Variants in SLC39A12 observed in about 807,000 individuals in gnomAD.
The protein encoded by SLC39A12 is zinc transporter ZIP12.
Under a neutral mutation model 71.1 loss-of-function variants are expected in SLC39A12, and 63 were observed. The ratio of observed to expected loss-of-function variants is 0.89; its 90% CI spans 0.72 to 1.09. The LOEUF (loss-of-function observed/expected upper bound fraction) is 1.09. SLC39A12 is among the 50% of genes least tolerant of loss of function. The pLI is 0.00. For synonymous variants in SLC39A12, 351 were observed against 301.3 expected (o/e 1.16, Z -1.71); for missense variants, 892 against 812.6 (o/e 1.10, Z -1.19).
At chr10:17,983,040 T>TAA (rs572926333) in intron 6 of SLC39A12, among the ~76,000 whole-genome samples, 5 of 145,948 alleles carry the variant, frequency 3.4e-5, no homozygotes, top group African/African-American at 1.3e-4. Flanking sequence ...AATTAAAAAT[T>TAA]AAAAAAAAAA....
chr10:17,961,560 T>G (rs1554848364), intron 2 of SLC39A12, 21 bp from the exon 3 acceptor site: 1 of 1,588,912 alleles, frequency 6.3e-7, no homozygotes, highest in East Asian at 2.2e-5. Flanking sequence ...CTTTTGTTGT[T>G]GTTATTGTTT....
intron 4 of SLC39A12, among the ~76,000 whole-genome samples, chr10:17,976,520 C>A (rs545425169): frequency 6.6e-6 from 1 of 152,150 alleles, no homozygotes; most frequent in Non-Finnish European, 1.5e-5. Flanking sequence ...TGGATTCAAG[C>A]GATTCTCCCA....
At chr10:17,994,107 A>G (rs891949295) in intron 9 of SLC39A12, among the ~76,000 whole-genome samples, 1 of 152,152 alleles carries the variant, frequency 6.6e-6, no homozygotes, top group African/African-American at 2.4e-5. Context: ...CCTTTATTGT[A>G]TTTATTGCTT....
intron 4 of SLC39A12, among the ~76,000 whole-genome samples, chr10:17,974,144 T>G (rs1835045355): frequency 1.3e-5 from 2 of 152,160 alleles, no homozygotes; most frequent in African/African-American, 2.4e-5. Flanking sequence ...TAAATTTATC[T>G]GAGTTCTGAA....
At chr10:18,026,887 C>A (rs1836692695) in intron 12 of SLC39A12, among the ~76,000 whole-genome samples, 1 of 151,986 alleles carries the variant, frequency 6.6e-6, no homozygotes, top group South Asian at 2.1e-4. Flanking sequence ...TTATAATTTC[C>A]ATTTTTCTGC....
At chr10:18,037,461 A>C (rs1035470117) in intron 12 of SLC39A12, among the ~76,000 whole-genome samples, 1 of 152,160 alleles carries the variant, frequency 6.6e-6, no homozygotes, top group Non-Finnish European at 1.5e-5. Flanking sequence ...TACAGTTAGG[A>C]GGTGACCTGG....
intron 12 of SLC39A12, among the ~76,000 whole-genome samples, chr10:18,038,865 A>T (rs1415435874): frequency 6.6e-6 from 1 of 152,174 alleles, no homozygotes; most frequent in Non-Finnish European, 1.5e-5. Flanking sequence ...AGTGTGAGGC[A>T]AAGATGGAAA....
intron 12 of SLC39A12, among the ~76,000 whole-genome samples, chr10:18,020,368 T>C (rs1240394971): frequency 1.3e-5 from 2 of 152,120 alleles, no homozygotes; most frequent in Non-Finnish European, 1.5e-5. Flanking sequence ...CACTCCACCA[T>C]TGTCAGGCAT....
chr10:18,014,604 A>G (rs1367059461), intron 12 of SLC39A12, among the ~76,000 whole-genome samples: 1 of 152,178 alleles, frequency 6.6e-6, no homozygotes, highest in Non-Finnish European at 1.5e-5. Flanking sequence ...TTCAATTTTA[A>G]GTTGTATGAA....
At chr10:17,970,051 TC>T (rs1330091281) in intron 4 of SLC39A12, among the ~76,000 whole-genome samples, 1 of 152,226 alleles carries the variant, frequency 6.6e-6, no homozygotes, top group Non-Finnish European at 1.5e-5. Context: ...GACTGTCTTT[TC>T]CCCAGTGTAT....
intron 1 of SLC39A12, 148 bp from the exon 2 acceptor site, chr10:17,953,043 G>A (rs1834444140): frequency 3.7e-6 from 2 of 545,664 alleles, no homozygotes; most frequent in South Asian, 2.4e-5. Context: ...GTGCTTTCCT[G>A]CCATTTGGGG....
chr10:18,013,282 T>C (rs1450923333), intron 12 of SLC39A12, among the ~76,000 whole-genome samples: 2 of 150,838 alleles, frequency 1.3e-5, no homozygotes, highest in African/African-American at 4.9e-5. Context: ...TTAGCTATCA[T>C]GTTTGGGTCT....
At chr10:18,028,459 C>G (rs765985414) in intron 12 of SLC39A12, among the ~76,000 whole-genome samples, 1 of 152,090 alleles carries the variant, frequency 6.6e-6, no homozygotes, top group Non-Finnish European at 1.5e-5. Context: ...ACAGTAAATG[C>G]TTTGCTTGTC....
At chr10:17,966,341 C>G (rs1008831040) in intron 4 of SLC39A12, among the ~76,000 whole-genome samples, 2 of 152,116 alleles carry the variant, frequency 1.3e-5, no homozygotes, top group Non-Finnish European at 2.9e-5. Flanking sequence ...GACAGGGTCT[C>G]ATTCTGTTGC....
chr10:17,991,578 C>T (rs1321297835), intron 8 of SLC39A12, among the ~76,000 whole-genome samples: 1 of 152,180 alleles, frequency 6.6e-6, no homozygotes, highest in East Asian at 1.9e-4. Context: ...AATGAAGGGG[C>T]CCAACATTCT....
At chr10:17,966,564 G>A (rs1231345673) in intron 4 of SLC39A12, among the ~76,000 whole-genome samples, 3 of 151,964 alleles carry the variant, frequency 2.0e-5, no homozygotes, top group Non-Finnish European at 2.9e-5. Flanking sequence ...GCCTGCCTTG[G>A]CCTCCTAAAG....
intron 2 of SLC39A12, among the ~76,000 whole-genome samples, chr10:17,958,632 C>T (rs1405699660): frequency 1.3e-5 from 2 of 152,148 alleles, no homozygotes; most frequent in African/African-American, 4.8e-5. Flanking sequence ...ACAGTGCTCT[C>T]CACCATCAGC....
Position 17,993,189 on chromosome 10 carries a change from G to A in SLC39A12, c.1431G>A (p.Leu477=). ...LLVSPNDKQG[L]SLVNGHVGHS... ...AAACCATCCTCATCCAGCAGGGCCT[G>A]TCATTGGTTAATGGGCACGTGGGTC... is the stretch of plus-strand genomic sequence containing the variant. The change falls in exon 9 of 13, where the codon CTG becomes CTA. Residue 477 remains leucine, a synonymous_variant. Transcript: ENST00000377369. The A allele has an allele frequency of 6.4e-7, 1 of 1,551,178 alleles. No individual in the cohort carries two copies. The highest frequency in any genetic ancestry group is 8.7e-7 in the Non-Finnish European group (1 of 1,146,606).
rs1218351788 is a variant in SLC39A12 at position 17,953,474 on chromosome 10, A to G, written c.198A>G (p.Lys66=). Residue 66 remains lysine (K), a synonymous_variant, in exon 2 of 13, where the codon AAA becomes AAG. Coordinates refer to ENST00000377369, the MANE Select transcript of SLC39A12 (RefSeq NM_001145195.2). ...PPHNHSRSLI[K]TLLEKTGCPR... is the part of the protein sequence containing the mutation. ...ACAACCACTCAAGAAGCCTCATCAAAACATTGTTGGAGAAAACTGGGTGCC... is the reference window on the plus strand; with the variant it reads ...ACAACCACTCAAGAAGCCTCATCAAGACATTGTTGGAGAAAACTGGGTGCC... 1.9e-6 allele frequency: 3 copies of G among 1,614,096 alleles called. No homozygotes were observed. In the African/African-American group the frequency reaches 4.0e-5, roughly 22 times the overall value.
Sources: allele counts gnomAD v4.1 joint callset (sites outside exome capture counted in the v4.1 genomes callset), GRCh38; gene constraint gnomAD v4.1.1; transcripts MANE v1.5; gene names NCBI Gene and HGNC (gene_info 2026-07-23, HGNC 2026-07-21).